Variants in PXDNL observed in about 807,000 individuals in gnomAD.
PXDNL encodes peroxidasin like.
In PXDNL, 145 loss-of-function variants were observed where a neutral mutation model predicts 150.8. That is an observed-to-expected ratio of 0.96 (90% confidence interval 0.84 to 1.10). The LOEUF is 1.10. Among genes scored for constraint, PXDNL ranks in the 50% least tolerant of loss-of-function variants. PXDNL has a pLI of 0.00. For missense variants in PXDNL, 2,087 were observed against 1,873.9 expected (o/e 1.11, Z -2.10); for synonymous variants, 757 against 725.7 (o/e 1.04, Z -0.69).
intron 21 of PXDNL, among the ~76,000 whole-genome samples, chr8:51,323,621 G>T (rs1486202540): frequency 1.3e-5 from 2 of 152,066 alleles, no homozygotes; most frequent in Non-Finnish European, 2.9e-5. Context: ...TAAGAATCTT[G>T]TATGTACCAG....
At chr8:51,409,864 TC>T (rs757237688) in intron 16 of PXDNL, among the ~76,000 whole-genome samples, 7 of 152,024 alleles carry the variant, frequency 4.6e-5, no homozygotes, top group Non-Finnish European at 1.0e-4. Context: ...AAAAGATGTT[TC>T]CAGAAGACCC....
chr8:51,677,660 C>T (rs999832118), intron 1 of PXDNL, among the ~76,000 whole-genome samples: 1 of 152,148 alleles, frequency 6.6e-6, no homozygotes, highest in Non-Finnish European at 1.5e-5. Flanking sequence ...ATTTCCAAAA[C>T]AAATGGCTTT....
chr8:51,433,170 C>T (rs1306539068), intron 12 of PXDNL, among the ~76,000 whole-genome samples: 1 of 151,226 alleles, frequency 6.6e-6, no homozygotes, highest in Non-Finnish European at 1.5e-5. Flanking sequence ...GGTCGCACCA[C>T]AGCACTCCAG....
At chr8:51,562,000 G>A (rs1812729454) in intron 3 of PXDNL, among the ~76,000 whole-genome samples, 1 of 151,030 alleles carries the variant, frequency 6.6e-6, no homozygotes. Flanking sequence ...ACAGGCCTGG[G>A]GTTTTGCACA....
rs1808526243 is a variant in PXDNL at position 51,408,894 on chromosome 8, G to C, written c.2730C>G (p.Leu910=). 1 of 1,607,082 alleles carries C rather than the reference G, an allele frequency of 6.2e-7. No individual in the cohort carries two copies. Among genetic ancestry groups the C allele is most frequent in the African/African-American group, 1.3e-5 (1 of 74,800 alleles). Residue 910 remains leucine, a synonymous_variant, in exon 17 of 23, where the codon CTC becomes CTG. Coordinates refer to ENST00000356297, the MANE Select transcript of PXDNL (RefSeq NM_144651.5). The stretch of plus-strand genomic sequence containing the variant: ...GACCCCGAGGCACCGAAGGGTCTCT[G>C]AGAGCCTGGGATTCCCGCTCCGAGC... ...YGSSERESQA[L]RDPSVPRGLL...
chr8:51,403,230 C>CTT (rs1344828782), intron 17 of PXDNL, among the ~76,000 whole-genome samples: 1 of 151,816 alleles, frequency 6.6e-6, no homozygotes, highest in African/African-American at 2.4e-5. Flanking sequence ...TAATAAAACA[C>CTT]TTTTGACCAA....
In PXDNL at chr8:51,475,092, C is replaced by G. The variant is rs780683866; in HGVS notation, c.574G>C (p.Gly192Arg). 68 of 1,613,814 alleles carry G rather than the reference C, an allele frequency of 4.2e-5. 1 individual carries two copies. The highest frequency in any genetic ancestry group is 5.1e-6 in the Non-Finnish European group (6 of 1,179,872). Residue 192 changes from glycine to arginine, a missense_variant, in exon 7 of 23, where the codon GGG becomes CGG. Gly to Arg is a moderately radical substitution (Grantham distance 125). Coordinates refer to ENST00000356297, the MANE Select transcript of PXDNL (RefSeq NM_144651.5). ...TGGGCAAAGCCTTGTAAAAGCTCCC[C>G]CAGCCACATCAGATCACAGTCACAA... ...LVCDCDLMWL[G>R]ELLQGFAQHG...
In PXDNL at chr8:51,423,716, T is replaced by C; in HGVS notation, c.1654A>G (p.Thr552Ala). The change falls in exon 14 of 23, where the codon ACT becomes GCT. Residue 552 changes from threonine (T) to alanine (A), a missense_variant. By Grantham distance (58) the Thr-to-Ala change is moderately conservative. Coordinates refer to ENST00000356297, the MANE Select transcript of PXDNL (RefSeq NM_144651.5). ...TCCACATGGAATTTACCACTCTCAG[T>C]AATCTGCACACCTTCCTAGGGAGCA... ...ITWNKEGVQITESGKFHVDDE... is the reference protein window; with the variant it reads ...ITWNKEGVQIAESGKFHVDDE... The C allele has an allele frequency of 6.2e-7, 1 of 1,613,520 alleles. No individual in the cohort carries two copies. Among genetic ancestry groups the C allele is most frequent in the Non-Finnish European group, 8.5e-7 (1 of 1,179,566 alleles).
At chr8:51,751,259 T>A (rs1482111291) in intron 1 of PXDNL, among the ~76,000 whole-genome samples, 3 of 152,200 alleles carry the variant, frequency 2.0e-5, no homozygotes, top group Non-Finnish European at 4.4e-5. Context: ...AAATTACTGA[T>A]AAAATATAAT....
chr8:51,584,183 G>A (rs78546733), intron 3 of PXDNL, among the ~76,000 whole-genome samples: 3,489 of 152,234 alleles, frequency 0.023, 140 homozygotes, highest in African/African-American at 0.077. Flanking sequence ...ATGACAATCA[G>A]GATGCTTGAT....
intron 1 of PXDNL, among the ~76,000 whole-genome samples, chr8:51,767,465 G>A (rs1456128439): frequency 1.3e-5 from 2 of 152,074 alleles, no homozygotes; most frequent in Admixed American, 6.5e-5. Context: ...TTAGCTAATT[G>A]TTAGTTAGCT....
intron 17 of PXDNL, among the ~76,000 whole-genome samples, chr8:51,378,420 A>T (rs1036922403): frequency 1.3e-5 from 2 of 152,206 alleles, no homozygotes; most frequent in Non-Finnish European, 2.9e-5. Flanking sequence ...TGCCTAGCTC[A>T]GGGATTGTAA....
chr8:51,477,072 T>C (rs1176418756), intron 6 of PXDNL, among the ~76,000 whole-genome samples: 1 of 152,192 alleles, frequency 6.6e-6, no homozygotes, highest in East Asian at 1.9e-4. Flanking sequence ...GTAAAGAAAT[T>C]GTGCTATTCT....
intron 17 of PXDNL, among the ~76,000 whole-genome samples, chr8:51,379,473 G>GT (rs1197577878): frequency 3.3e-5 from 5 of 151,526 alleles, no homozygotes; most frequent in Admixed American, 2.0e-4. Context: ...TGAAAATTTA[G>GT]TTTTTTTCTT....
intron 17 of PXDNL, among the ~76,000 whole-genome samples, chr8:51,390,895 C>G (rs188127934): frequency 6.6e-6 from 1 of 152,066 alleles, no homozygotes; most frequent in African/African-American, 2.4e-5. Context: ...TCCCTCCCCC[C>G]TCCTCCGACC....
At chr8:51,653,541 C>T (rs184076857) in intron 2 of PXDNL, among the ~76,000 whole-genome samples, 134 of 152,234 alleles carry the variant, frequency 8.8e-4, no homozygotes, top group Non-Finnish European at 1.6e-3. Context: ...GAAATGTTTT[C>T]GTACATTGCA....
At chr8:51,661,741 G>A (rs1815274496) in intron 1 of PXDNL, among the ~76,000 whole-genome samples, 1 of 152,316 alleles carries the variant, frequency 6.6e-6, no homozygotes, top group South Asian at 2.1e-4. Context: ...AATCTGTAGG[G>A]AGACCACAGT....
chr8:51,593,607 G>A (rs1219180545), intron 2 of PXDNL, among the ~76,000 whole-genome samples: 1 of 152,166 alleles, frequency 6.6e-6, no homozygotes, highest in East Asian at 1.9e-4. Flanking sequence ...TTTGGCCACT[G>A]GAGCAGGTGA....
At chr8:51,809,095 A>G (rs539846184) in intron 1 of PXDNL, 86 bp downstream of exon 1, 18 of 1,375,218 alleles carry the variant, frequency 1.3e-5, no homozygotes, top group Non-Finnish European at 1.5e-5. Context: ...AGCATTAGGA[A>G]TCGTAAATTA....
Sources: allele counts gnomAD v4.1 joint callset (sites outside exome capture counted in the v4.1 genomes callset), GRCh38; gene constraint gnomAD v4.1.1; transcripts MANE v1.5; gene names NCBI Gene and HGNC (gene_info 2026-07-23, HGNC 2026-07-21).